PIH1D2: variants seen among roughly 807,000 people sequenced by gnomAD.
The protein encoded by PIH1D2 is PIH1 domain-containing protein 2.
A neutral mutation model predicts 31.2 loss-of-function variants in PIH1D2; 25 were observed. The ratio of observed to expected loss-of-function variants is 0.80; its 90% CI spans 0.58 to 1.12. The LOEUF (loss-of-function observed/expected upper bound fraction) is 1.12, where lower values mean the gene tolerates loss of function less well. Among genes scored for constraint, PIH1D2 ranks in the 50% most tolerant of loss-of-function variants. PIH1D2 has a pLI of 0.00. For synonymous variants in PIH1D2, 116 were observed against 119.9 expected (o/e 0.97, Z 0.21); for missense variants, 310 against 356.6 (o/e 0.87, Z 1.05).
At chr11:112,063,744 A>C (rs1040852440), downstream of PIH1D2, 1 of 152,142 alleles carries the variant, frequency 6.6e-6, no homozygotes, top group African/African-American at 2.5e-5. Flanking sequence ...ATTTTGTTAG[A>C]TTTTGCCTTT....
intron 1 of PIH1D2, 94 bp from the exon 2 acceptor site, chr11:112,073,299 G>T: frequency 1.2e-6 from 1 of 838,444 alleles, no homozygotes; most frequent in Non-Finnish European, 1.8e-6. Flanking sequence ...GAATTGTTTT[G>T]GTGAAGTTAG....
downstream of PIH1D2, among the ~76,000 whole-genome samples, chr11:112,059,403 A>G (rs1313057211): frequency 2.8e-5 from 4 of 140,616 alleles, no homozygotes; most frequent in African/African-American, 1.1e-4. Flanking sequence ...GGGCAGGGGC[A>G]GCGTTGGGGG....
the PIH1D2 span, among the ~76,000 whole-genome samples, chr11:112,053,577 T>C: frequency 6.6e-6 from 1 of 151,970 alleles, no homozygotes; most frequent in Admixed American, 6.6e-5. Flanking sequence ...CTCAGCCTCC[T>C]GAGTAGCTGG....
the PIH1D2 span, among the ~76,000 whole-genome samples, chr11:112,052,853 C>T: frequency 1.3e-5 from 2 of 151,960 alleles, no homozygotes; most frequent in Non-Finnish European, 2.9e-5. Context: ...GGCGCCATCC[C>T]GAGGTTACTT....
At chr11:112,069,251 C>A (rs79404432) in intron 5 of PIH1D2, among the ~76,000 whole-genome samples, 9,858 of 151,976 alleles carry the variant, frequency 0.065, 439 homozygotes, top group Non-Finnish European at 0.099. Context: ...AATCCACCCC[C>A]CTTCGGCCTC....
At chr11:112,072,808 G>A (rs1158698053) in intron 2 of PIH1D2, 190 bp downstream of exon 2, 5 of 532,622 alleles carry the variant, frequency 9.4e-6, no homozygotes, top group Admixed American at 6.9e-5. Flanking sequence ...AGGTTGCAGC[G>A]AGCCAAGACC....
the PIH1D2 span, among the ~76,000 whole-genome samples, chr11:112,055,848 C>CTGTTTTTTTT: frequency 3.1e-5 from 1 of 31,988 alleles, no homozygotes; most frequent in Non-Finnish European, 6.1e-5. Flanking sequence ...CATATAGACA[C>CTGTTTTTTTT]TTTTTTTTTT....
chr11:112,058,461 C>T (rs1864256351), downstream of PIH1D2, among the ~76,000 whole-genome samples: 1 of 152,022 alleles, frequency 6.6e-6, no homozygotes, highest in South Asian at 2.1e-4. Flanking sequence ...CTAGAAAGAG[C>T]TGGAGTTCTT....
chr11:112,067,694 A>ATATATATG (rs1864979348), downstream of PIH1D2: 1 of 109,994 alleles, frequency 9.1e-6, no homozygotes, highest in Non-Finnish European at 1.8e-5. Flanking sequence ...AAATATATAT[A>ATATATATG]TATATATATA....
At chr11:112,071,467 C>T (rs1555184616) in intron 3 of PIH1D2, among the ~76,000 whole-genome samples, 168 bp downstream of exon 3, 1 of 152,178 alleles carries the variant, frequency 6.6e-6, no homozygotes, top group Non-Finnish European at 1.5e-5. Context: ...ATTAAAACAG[C>T]TCACCTTATT....
At chr11:112,065,719 G>A (rs1297584192), downstream of PIH1D2, among the ~76,000 whole-genome samples, 3 of 152,154 alleles carry the variant, frequency 2.0e-5, no homozygotes, top group Non-Finnish European at 4.4e-5. Flanking sequence ...AGTGGCTCAC[G>A]CCTGTAATCC....
chr11:112,068,788 A>T (rs1352903204), intron 5 of PIH1D2, among the ~76,000 whole-genome samples: 2 of 152,016 alleles, frequency 1.3e-5, no homozygotes, highest in Non-Finnish European at 2.9e-5. Flanking sequence ...TCTCAAAATA[A>T]ATAAATAAAT....
At chr11:112,063,800 G>T, downstream of PIH1D2, 1 of 164,394 alleles carries the variant, frequency 6.1e-6, no homozygotes, top group Non-Finnish European at 1.3e-5. Flanking sequence ...AAAATGAATT[G>T]GGAACATTAT....
At position 112,073,100 on chromosome 11, in the gene PIH1D2, A is replaced by C. The variant is rs1865197813; in HGVS notation, c.75T>G (p.Ser25Arg). Residue 25 changes from serine to arginine, a missense_variant, in exon 2 of 6, where the codon AGT becomes AGG. Transcript: ENST00000280350. ...FWNLLDDLAQ[S>R]DPEGYEKFIQ... The stretch of plus-strand genomic sequence containing the variant: ...TAAACTTCTCATAGCCCTCAGGGTC[A>C]CTCTGAGCTAGATCATCTAGGAGGT... 6.2e-7 allele frequency: 1 copy of C among 1,613,842 alleles called. No individual in the cohort carries two copies.
downstream of PIH1D2, chr11:112,062,891 T>A (rs1417560971): frequency 1.3e-5 from 3 of 239,604 alleles, no homozygotes; most frequent in Non-Finnish European, 2.5e-5. Flanking sequence ...TGATGAAACC[T>A]TGAAGTTCTG....
At chr11:112,056,843 T>C in the PIH1D2 span, among the ~76,000 whole-genome samples, 1 of 152,218 alleles carries the variant, frequency 6.6e-6, no homozygotes, top group African/African-American at 2.4e-5. Flanking sequence ...TTTGTTACCG[T>C]GTGGGTGTGA....
At chr11:112,059,810 A>T (rs75858869), downstream of PIH1D2, 1,185 of 1,173,120 alleles carry the variant, frequency 1.0e-3, 9 homozygotes, top group African/African-American at 0.017. Context: ...GGTTCAAAAA[A>T]TTTTTGAAGT....
At chr11:112,063,906 T>C (rs1033269656), downstream of PIH1D2, 11 of 340,648 alleles carry the variant, frequency 3.2e-5, no homozygotes, top group Non-Finnish European at 5.3e-5. Context: ...TGCTTCCTGG[T>C]ATATGTAATA....
the PIH1D2 span, among the ~76,000 whole-genome samples, chr11:112,055,870 TTTTTTTTTTTTTTTTTG>T: frequency 7.0e-5 from 8 of 113,898 alleles, no homozygotes; most frequent in South Asian, 3.3e-4. Context: ...TTTTTTTTTT[TTTTTTTTTTTTTTTTTG>T]AGGTGGAGTC....
Sources: allele counts gnomAD v4.1 joint callset (sites outside exome capture counted in the v4.1 genomes callset), GRCh38; gene constraint gnomAD v4.1.1; transcripts MANE v1.5; gene names NCBI Gene and HGNC (gene_info 2026-07-23, HGNC 2026-07-21).